Variants in MAN2C1 observed in about 807,000 individuals in gnomAD.
MAN2C1 encodes the protein mannosidase alpha class 2C member 1, also known as alpha-mannosidase 2C1.
In MAN2C1, 111 loss-of-function variants were observed where a neutral mutation model predicts 126.9. The observed-to-expected ratio is 0.87, with a 90% CI of 0.75 to 1.02. The LOEUF is 1.02. MAN2C1 is among the 50% of genes least tolerant of loss of function. The pLI, the probability that MAN2C1 is intolerant of heterozygous loss-of-function variation, is 0.00. For missense variants in MAN2C1, 1,363 were observed against 1,364.4 expected, an observed-to-expected ratio of 1.00 and a Z score of 0.02; for synonymous variants, 567 against 561.5, an observed-to-expected ratio of 1.01 and a Z score of -0.14.
In MAN2C1 at chr15:75,356,962, T is replaced by G; in HGVS notation, c.2548-60A>C. ...TGTGCCCCTCTTTGTGCTCCCAGACTCCAGAGCTCCTGTCACTAGGCCGAG... is the reference window on the plus strand; with the variant it reads ...TGTGCCCCTCTTTGTGCTCCCAGACGCCAGAGCTCCTGTCACTAGGCCGAG... On this transcript the variant is annotated intron_variant, in intron 21 of 25. Transcript: ENST00000267978. This position sits in a 1 kb window ranked among gnomAD's most constrained non-coding sequence, Gnocchi z 5.8. 2 of 1,371,372 alleles carry G rather than the reference T, an allele frequency of 1.5e-6. No homozygotes were observed. The highest frequency in any genetic ancestry group is 3.5e-5 in the Admixed American group (2 of 57,192). The allele number at this position is 1,371,372 out of a possible 1,614,324, so 85.0% of individuals were successfully genotyped here. A position where few individuals can be genotyped will look rare whatever the true frequency, so the allele number is the denominator to read the frequency against.
In MAN2C1 at chr15:75,358,292, A is replaced by C; in HGVS notation, c.2456T>G (p.Val819Gly). 3.1e-6 allele frequency: 5 copies of C among 1,614,170 alleles called. No individual in the cohort carries two copies. Among genetic ancestry groups the C allele is most frequent in the Non-Finnish European group, 4.2e-6 (5 of 1,180,020 alleles). ...KFLKVEFPARVRSSQATYEIQ... is the reference protein window; with the variant it reads ...KFLKVEFPARGRSSQATYEIQ... ...CTCATAGGTGGCCTGGGAACTCCGC[A>C]CGCGAGCAGGGAACTCCACCTTCAG... is the stretch of plus-strand genomic sequence containing the variant. Residue 819 changes from valine (V) to glycine (G), a missense_variant, in exon 21 of 26, where the codon GTG becomes GGG. This residue lies in a region of MAN2C1 where 668 missense variants were observed against 650.1 expected (regional missense o/e 1.03). Transcript: ENST00000267978.
intron 4 of MAN2C1, among the ~76,000 whole-genome samples, chr15:75,365,155 C>T (rs745426569): frequency 5.9e-5 from 9 of 152,174 alleles, no homozygotes; most frequent in African/African-American, 2.2e-4. Flanking sequence ...GACTCCACTT[C>T]GCTGCTAAGT....
Position 75,358,451 on chromosome 15 carries a change from C to T in MAN2C1, c.2403+11G>A. 1 of 1,613,328 alleles carries T rather than the reference C, an allele frequency of 6.2e-7. No homozygotes were observed. Among genetic ancestry groups the T allele is most frequent in the Non-Finnish European group, 8.5e-7 (1 of 1,179,794 alleles). On this transcript the variant is annotated intron_variant, in intron 20 of 25. Transcript: ENST00000267978. ...CTTGGGGAAAACAGCCACCCCCTACCCCCCGACTACCTCGGTGTGGAAGCG... is the reference window on the plus strand; with the variant it reads ...CTTGGGGAAAACAGCCACCCCCTACTCCCCGACTACCTCGGTGTGGAAGCG...
Position 75,362,180 on chromosome 15 carries a change from G to A in MAN2C1, c.1008+163C>T, listed in dbSNP as rs536287487. On this transcript the variant is annotated intron_variant, in intron 8 of 25. Transcript: ENST00000267978. The surrounding 1 kb of genome is among the most constrained non-coding windows in gnomAD (Gnocchi z 4.5). ...AGCGCTGGAGGCTCTCCTCCCCCTTGAAGTCCCAGGCCTTGAGATCCCAGG... is the reference window on the plus strand; with the variant it reads ...AGCGCTGGAGGCTCTCCTCCCCCTTAAAGTCCCAGGCCTTGAGATCCCAGG... The A allele has an allele frequency of 5.8e-6, 4 of 694,378 alleles. No individual in the cohort carries two copies. The highest frequency in any genetic ancestry group is 9.9e-6 in the Non-Finnish European group (4 of 405,030). 43.0% of individuals were successfully genotyped at this position (694,378 alleles called of 1,614,324 possible).
At chr15:75,358,956 G>C in intron 18 of MAN2C1, 103 bp downstream of exon 18, 1 of 1,530,712 alleles carries the variant, frequency 6.5e-7, no homozygotes, top group East Asian at 2.3e-5. Flanking sequence ...CCAGCCCAGA[G>C]CCACTGGTGG....
chr15:75,356,180 G>A lies in MAN2C1; in HGVS notation c.2926C>T (p.Leu976=), dbSNP rs757156973. ...ACGTGGCTGCCGTGGGCCTCATACAGCCTCAGGACCAGCGAGCGGCGCTGG... is the reference window on the plus strand; with the variant it reads ...ACGTGGCTGCCGTGGGCCTCATACAACCTCAGGACCAGCGAGCGGCGCTGG... ...SPQRRSLVLR[L]YEAHGSHVDC... is the part of the protein sequence containing the mutation. Residue 976 remains leucine, a synonymous_variant, in exon 25 of 26, where the codon CTG becomes TTG. Transcript: ENST00000267978. The surrounding 1 kb of genome is among the most constrained non-coding windows in gnomAD (Gnocchi z 5.8). 8 of 1,613,610 alleles carry A rather than the reference G, an allele frequency of 5.0e-6. No individual in the cohort carries two copies. In the South Asian group the frequency reaches 8.8e-5, roughly 18 times the overall value.
At chr15:75,358,984 T>A in intron 18 of MAN2C1, 75 bp downstream of exon 18, 1 of 1,587,148 alleles carries the variant, frequency 6.3e-7, no homozygotes, top group Admixed American at 1.7e-5. Flanking sequence ...TGGGCAGTGT[T>A]GTGGCAAGGG....
intron 18 of MAN2C1, 39 bp from the exon 19 acceptor site, chr15:75,358,847 C>A (rs754856944): frequency 1.3e-6 from 2 of 1,539,804 alleles, no homozygotes; most frequent in African/African-American, 1.4e-5. Flanking sequence ...AACCAACTGA[C>A]CTCGCTGTCT....
chr15:75,362,445 C>G lies in MAN2C1; in HGVS notation c.906G>C (p.Gln302His), dbSNP rs1270601234. The stretch of plus-strand genomic sequence containing the variant: ...GGTAGCGGCTCTTCACCCATTCCAG[C>G]TGCTGCGCCTGTGGGCAGGTTGAAG... ...EFIFACSQAQ[Q>H]LEWVKSRYPG... The change falls in exon 8 of 26, where the codon CAG becomes CAC. Residue 302 changes from glutamine (Q) to histidine (H), a missense_variant. Around this residue, in one of 3 missense-constraint regions of MAN2C1, gnomAD observed 628 missense variants for 609.8 expected, o/e 1.03. Transcript: ENST00000267978. The surrounding 1 kb of genome is among the most constrained non-coding windows in gnomAD (Gnocchi z 4.5). The G allele has an allele frequency of 1.2e-6, 2 of 1,610,168 alleles. No individual in the cohort carries two copies. The highest frequency in any genetic ancestry group is 1.7e-6 in the Non-Finnish European group (2 of 1,178,530).
chr15:75,359,271 C>A (rs2141329253), intron 17 of MAN2C1, 57 bp downstream of exon 17: 3 of 1,583,900 alleles, frequency 1.9e-6, no homozygotes, highest in Middle Eastern at 3.4e-4. Flanking sequence ...TCAGGACCCT[C>A]AGTTGTAAGA....
rs775018071 is a variant in MAN2C1 at position 75,361,022 on chromosome 15, A to G, written c.1460+24T>C. 6 of 1,598,654 alleles carry G rather than the reference A, an allele frequency of 3.8e-6. No individual in the cohort carries two copies. Among genetic ancestry groups the G allele is most frequent in the South Asian group, 3.4e-5 (3 of 88,576 alleles). On this transcript the variant is annotated intron_variant, in intron 12 of 25. Transcript: ENST00000267978. This position sits in a 1 kb window ranked among gnomAD's most constrained non-coding sequence, Gnocchi z 5.0. ...TGGCAAGGGCCCAGGGTGGGGCTAA[A>G]GGAGAGCCAAGGCCTGGCCTGACCT...
At chr15:75,360,425 C>T in intron 13 of MAN2C1, 140 bp downstream of exon 13, 1 of 1,380,858 alleles carries the variant, frequency 7.2e-7, no homozygotes, top group Non-Finnish European at 9.7e-7. Context: ...GCTTTCTTGA[C>T]CAACCCAGGT....
rs369832470 is a variant in MAN2C1 at position 75,356,866 on chromosome 15, C to T, written c.2584G>A (p.Gly862Ser). ...AHRWMDLSEH[G>S]FGLALLNDCK... ...TCGTTGAGCAGGGCCAGCCCAAAGC[C>T]GTGTTCTGACAGATCCATCCAGCGA... is the stretch of plus-strand genomic sequence containing the variant. Residue 862 changes from glycine to serine, a missense_variant, in exon 22 of 26, where the codon GGC becomes AGC. By Grantham distance (56) the Gly-to-Ser change is moderately conservative. This residue lies in a region of MAN2C1 where 668 missense variants were observed against 650.1 expected (regional missense o/e 1.03). Transcript: ENST00000267978. This position sits in a 1 kb window ranked among gnomAD's most constrained non-coding sequence, Gnocchi z 5.8. The T allele has an allele frequency of 5.6e-5, 90 of 1,614,138 alleles. 1 individual carries two copies. The Middle Eastern group carries it at 8.2e-4, about 15-fold the overall frequency.
At chr15:75,357,148 A>C in intron 21 of MAN2C1, 1 of 507,382 alleles carries the variant, frequency 2.0e-6, no homozygotes, top group Non-Finnish European at 3.5e-6. Flanking sequence ...TTAAATGTAA[A>C]ACTTTGTTTT....
chr15:75,361,824 C>T lies in MAN2C1; in HGVS notation c.1101+31G>A, dbSNP rs202134849. ...CAAGTCGAGCGCCAGCCCCACTCGC[C>T]CACAGCCTGGTGTAGCAGCTCTCAG... is the stretch of plus-strand genomic sequence containing the variant. On this transcript the variant is annotated intron_variant, in intron 9 of 25. Coordinates refer to ENST00000267978, the MANE Select transcript of MAN2C1 (RefSeq NM_006715.4). This position sits in a 1 kb window ranked among gnomAD's most constrained non-coding sequence, Gnocchi z 5.0. The T allele has an allele frequency of 3.1e-6, 5 of 1,610,032 alleles. No homozygotes were observed. Among genetic ancestry groups the T allele is most frequent in the Non-Finnish European group, 4.3e-6 (5 of 1,176,330 alleles).
chr15:75,366,065 C>G, intron 4 of MAN2C1: 1 of 320,086 alleles, frequency 3.1e-6, no homozygotes, highest in African/African-American at 2.2e-5. Context: ...CCAGCATCGG[C>G]GACAGAGGGA....
At position 75,356,104 on chromosome 15, in the gene MAN2C1, A is replaced by C; in HGVS notation, c.2996+6T>G. The C allele has an allele frequency of 1.2e-6, 2 of 1,613,810 alleles. No homozygotes were observed. Among genetic ancestry groups the C allele is most frequent in the Non-Finnish European group, 1.7e-6 (2 of 1,179,934 alleles). ...ACCCCCGCCCCAATCCCACACCGCC[A>C]CTCACAGGATGGCCTCCTGAACCGG... On this transcript the variant is annotated splice_donor_region_variant and intron_variant, in intron 25 of 25. Transcript: ENST00000267978. The surrounding 1 kb of genome is among the most constrained non-coding windows in gnomAD (Gnocchi z 5.8).
At chr15:75,358,144 A>G in intron 21 of MAN2C1, 57 bp downstream of exon 21, 5 of 1,599,888 alleles carry the variant, frequency 3.1e-6, no homozygotes, top group African/African-American at 1.3e-5. Flanking sequence ...GTTCCACACA[A>G]GCAGTCTCCC....
Position 75,356,673 on chromosome 15 carries a change from A to C in MAN2C1, c.2670T>G (p.Pro890=). The C allele has an allele frequency of 6.3e-7, 1 of 1,590,196 alleles. No individual in the cohort carries two copies. The highest frequency in any genetic ancestry group is 8.6e-7 in the Non-Finnish European group (1 of 1,168,746). Residue 890 remains proline, a synonymous_variant, in exon 23 of 26, where the codon CCT becomes CCG. Transcript: ENST00000267978. The surrounding 1 kb of genome is among the most constrained non-coding windows in gnomAD (Gnocchi z 5.8). ...SILSLSLLRA[P]KAPDATADTG... ...TGTCAGCAGTAGCGTCCGGGGCTTT[A>C]GGCGCCCGCAAGCTGGGGTGAGGAG... is the stretch of plus-strand genomic sequence containing the variant.
Sources: gnomAD v4.1 joint callset for allele counts (sites outside exome capture counted in the v4.1 genomes callset) on GRCh38, gnomAD v4.1.1 for gene constraint, gnomAD v4.1.1 regional missense constraint, Gnocchi (gnomAD v3.1) non-coding constraint, MANE v1.5 for transcripts, NCBI Gene and HGNC (gene_info 2026-07-23, HGNC 2026-07-21) for gene names.